Variants in NRXN1 observed in about 807,000 individuals in gnomAD.
NRXN1 encodes the protein neurexin 1.
In NRXN1, 39 loss-of-function variants were observed where a neutral mutation model predicts 150.9. That is an observed-to-expected ratio of 0.26 (90% CI 0.20 to 0.34). NRXN1 has a LOEUF of 0.34. NRXN1 is among the 10% of genes least tolerant of loss of function. The pLI, the probability that NRXN1 is intolerant of heterozygous loss-of-function variation, is 1.00. For missense variants in NRXN1, 1,815 were observed against 1,949.9 expected (o/e 0.93, Z 1.30); for synonymous variants, 924 against 757.0 (o/e 1.22, Z -3.62).
At position 50,351,001 on chromosome 2, in the gene NRXN1, G is replaced by A. The variant is rs2153000834; in HGVS notation, c.3365-114031C>T. On this transcript the variant is annotated intron_variant, in intron 17 of 22. Coordinates refer to ENST00000401669, the MANE Select transcript of NRXN1 (RefSeq NM_001330078.2). Reference sequence around the variant, plus strand: ...AAATGATTGTAATTTTGTGGAACAAGGAGCAATTCTCTGTCTAGATAGTGT... The same window carrying A: ...AAATGATTGTAATTTTGTGGAACAAAGAGCAATTCTCTGTCTAGATAGTGT... Among the ~76,000 whole-genome samples the A allele has an allele frequency of 1.3e-5, 2 of 152,284 alleles. 1 individual carries two copies. Among genetic ancestry groups the A allele is most frequent in the South Asian group, 4.1e-4 (2 of 4,826 alleles).
chr2:50,588,997 A>C (rs1558980554), intron 8 of NRXN1: 1 of 152,102 alleles, frequency 6.6e-6, no homozygotes. Flanking sequence ...CTTTTTTTCC[A>C]GAATAGTATG....
intron 5 of NRXN1, among the ~76,000 whole-genome samples, chr2:50,879,109 G>T (rs1679047422): frequency 6.6e-6 from 1 of 151,998 alleles, no homozygotes; most frequent in East Asian, 2.0e-4. Context: ...CCTACATAGT[G>T]TGGCTGTACG....
chr2:50,224,829 T>C (rs2064221363), intron 18 of NRXN1, among the ~76,000 whole-genome samples: 1 of 151,846 alleles, frequency 6.6e-6, no homozygotes, highest in South Asian at 2.1e-4. Flanking sequence ...TTTGTTTTCA[T>C]TCTCCTAGTG....
chr2:50,015,516 CAAAAAAAAAAAA>C lies in NRXN1; in HGVS notation c.4128+37743_4128+37754del, dbSNP rs34466037. On this transcript the variant is annotated intron_variant, in intron 21 of 22. Transcript: ENST00000401669. ...TAGAAAAATAAACAGGGATTTCTGC[CAAAAAAAAAAAA>C]AAAAAAAAAAAAAAAAGACCTGGGC... Among the ~76,000 whole-genome samples, 10 of 31,324 alleles carry C rather than the reference CAAAAAAAAAAAA, an allele frequency of 3.2e-4. No individual in the cohort carries two copies. The South Asian group carries it at 8.2e-3, about 26-fold the overall frequency. The allele number at this position is 31,324 out of a possible 152,430, so 20.5% of individuals were successfully genotyped here.
intron 5 of NRXN1, among the ~76,000 whole-genome samples, chr2:50,733,896 T>C (rs1252782417): frequency 1.3e-5 from 2 of 152,128 alleles, no homozygotes. Flanking sequence ...AAAAACTCTA[T>C]TTTTTTCACA....
At chr2:50,049,083 T>A (rs746716294) in intron 21 of NRXN1, among the ~76,000 whole-genome samples, 1 of 152,162 alleles carries the variant, frequency 6.6e-6, no homozygotes, top group African/African-American at 2.4e-5. Context: ...ATTATTCTTA[T>A]GAAGTATGCT....
At chr2:50,633,664 T>C (rs776325609) in intron 5 of NRXN1, among the ~76,000 whole-genome samples, 5 of 152,066 alleles carry the variant, frequency 3.3e-5, no homozygotes, top group South Asian at 2.1e-4. Context: ...GAAGGAACAC[T>C]GAAAACCTAT....
chr2:50,479,697 C>G lies in NRXN1; in HGVS notation c.3071-7226G>C, dbSNP rs72878380. 1.1e-3 allele frequency among the ~76,000 whole-genome samples: 166 copies of G among 145,320 alleles called. 1 individual carries two copies. The highest frequency in any genetic ancestry group is 3.7e-3 in the African/African-American group (144 of 39,168). On this transcript the variant is annotated intron_variant, in intron 15 of 22. Transcript: ENST00000401669. The stretch of plus-strand genomic sequence containing the variant: ...TCAGCACTCATATTTGTCCCTGGCT[C>G]TTTTTACCTGAGCAATAATGAATTA...
intron 18 of NRXN1, among the ~76,000 whole-genome samples, chr2:50,143,294 A>C (rs1396769190): frequency 6.6e-6 from 1 of 152,022 alleles, no homozygotes; most frequent in Non-Finnish European, 1.5e-5. Flanking sequence ...TGACCAATTA[A>C]TCTCATTAAT....
chr2:51,026,230 T>C, intron 2 of NRXN1: 3 of 643,864 alleles, frequency 4.7e-6, no homozygotes. Flanking sequence ...ATTTAATAAT[T>C]CACCTTTTTT....
At chr2:49,993,140 CA>C (rs1329319458) in intron 21 of NRXN1, among the ~76,000 whole-genome samples, 1 of 151,946 alleles carries the variant, frequency 6.6e-6, no homozygotes, top group African/African-American at 2.4e-5. Flanking sequence ...TTATAATTGC[CA>C]AAACTTGGAA....
chr2:50,347,639 G>C lies in NRXN1; in HGVS notation c.3365-110669C>G, dbSNP rs115617556. On this transcript the variant is annotated intron_variant, in intron 17 of 22. Transcript: ENST00000401669. This position sits in a 1 kb window ranked among gnomAD's most constrained non-coding sequence, Gnocchi z 4.9. ...TTACGCCCGGCGAGGGGTTCAGAGG[G>C]AAGAGTGCGCCCTTCTGAAGGAAGT... 3.0e-3 allele frequency: 3,035 copies of C among 996,458 alleles called. 71 individuals are homozygous for C. The African/African-American group carries it at 0.047, about 16-fold the overall frequency. 61.7% of individuals were successfully genotyped at this position (996,458 alleles called of 1,614,324 possible). A position where few individuals can be genotyped will look rare whatever the true frequency, so the allele number is the denominator to read the frequency against.
At chr2:50,864,745 G>A (rs754781255) in intron 5 of NRXN1, among the ~76,000 whole-genome samples, 1 of 151,970 alleles carries the variant, frequency 6.6e-6, no homozygotes, top group Non-Finnish European at 1.5e-5. Context: ...GTGAACAGAG[G>A]AGAAATTTGC....
At chr2:50,074,601 G>C (rs1185777490) in intron 19 of NRXN1, among the ~76,000 whole-genome samples, 1 of 152,100 alleles carries the variant, frequency 6.6e-6, no homozygotes, top group Non-Finnish European at 1.5e-5. Flanking sequence ...CAGATCCTTA[G>C]AAATAAAAAC....
chr2:50,624,398 C>T (rs945545962), intron 5 of NRXN1, among the ~76,000 whole-genome samples: 3 of 152,064 alleles, frequency 2.0e-5, no homozygotes, highest in African/African-American at 7.2e-5. Context: ...ACTCTGCTGA[C>T]AACAATGGAT....
intron 5 of NRXN1, among the ~76,000 whole-genome samples, chr2:50,676,377 C>A (rs939023663): frequency 2.0e-5 from 3 of 151,980 alleles, no homozygotes; most frequent in Non-Finnish European, 4.4e-5. Context: ...ACACAAGTCC[C>A]GAAGAAGAAG....
chr2:50,285,606 A>G (rs1337055130), intron 17 of NRXN1, among the ~76,000 whole-genome samples: 3 of 152,186 alleles, frequency 2.0e-5, no homozygotes, highest in Non-Finnish European at 1.5e-5. Context: ...TAATGTTATA[A>G]CTAAAAGACT....
At chr2:50,324,691 G>A (rs1261081563) in intron 17 of NRXN1, among the ~76,000 whole-genome samples, 4 of 152,150 alleles carry the variant, frequency 2.6e-5, no homozygotes, top group Middle Eastern at 3.2e-3. Context: ...GCAGGCGCCC[G>A]CCATCGCGCC....
chr2:50,771,134 G>A (rs1417174563), intron 5 of NRXN1, among the ~76,000 whole-genome samples: 4 of 152,132 alleles, frequency 2.6e-5, no homozygotes, highest in African/African-American at 9.6e-5. Flanking sequence ...ACTGCAGATT[G>A]TACTGAAGAG....
Sources: allele counts gnomAD v4.1 joint callset (sites outside exome capture counted in the v4.1 genomes callset), GRCh38; gene constraint gnomAD v4.1.1; non-coding constraint Gnocchi (gnomAD v3.1); transcripts MANE v1.5; gene names NCBI Gene and HGNC (gene_info 2026-07-23, HGNC 2026-07-21).